Variants in MAF observed in about 807,000 individuals in gnomAD.
MAF encodes MAF bZIP transcription factor.
Under a neutral mutation model 22.0 loss-of-function variants are expected in MAF, and 10 were observed. That is an observed-to-expected ratio of 0.45 (90% CI 0.28 to 0.77). MAF has a LOEUF of 0.77. Ranked by LOEUF, MAF falls within the 30% of genes least tolerant of loss-of-function variation. The pLI is 0.12. For missense variants in MAF, 544 were observed against 548.4 expected, an observed-to-expected ratio of 0.99 and a Z score of 0.08; for synonymous variants, 337 against 255.8, an observed-to-expected ratio of 1.32 and a Z score of -3.03.
chr16:79,436,463 G>A, the MAF span, among the ~76,000 whole-genome samples: 2 of 152,200 alleles, frequency 1.3e-5, no homozygotes, highest in Admixed American at 6.5e-5. Flanking sequence ...GTGCGTTAAC[G>A]CTTCTCAAAT....
chr16:79,220,642 A>G, the MAF span, among the ~76,000 whole-genome samples: 1 of 152,104 alleles, frequency 6.6e-6, no homozygotes, highest in Non-Finnish European at 1.5e-5. Context: ...TGGTTTAGTA[A>G]ATATATTTGT....
chr16:79,272,299 T>C, the MAF span, among the ~76,000 whole-genome samples: 3 of 152,174 alleles, frequency 2.0e-5, no homozygotes, highest in South Asian at 2.1e-4. Flanking sequence ...CCACTTCAAG[T>C]GGATTCCGAT....
the MAF span, among the ~76,000 whole-genome samples, chr16:79,445,141 C>T: frequency 6.6e-6 from 1 of 152,092 alleles, no homozygotes; most frequent in African/African-American, 2.4e-5. Flanking sequence ...TCACGCCATT[C>T]TCCTGCCTCA....
At chr16:79,441,940 CAG>C in the MAF span, among the ~76,000 whole-genome samples, 1 of 152,144 alleles carries the variant, frequency 6.6e-6, no homozygotes, top group Non-Finnish European at 1.5e-5. Context: ...GATTTGGACA[CAG>C]AGAGGCACAG....
At chr16:79,469,635 T>G in the MAF span, among the ~76,000 whole-genome samples, 1 of 152,190 alleles carries the variant, frequency 6.6e-6, no homozygotes, top group Non-Finnish European at 1.5e-5. Flanking sequence ...CTCACTCTGT[T>G]GCCCAGACTG....
At chr16:79,386,880 C>T in the MAF span, among the ~76,000 whole-genome samples, 12 of 152,046 alleles carry the variant, frequency 7.9e-5, no homozygotes, top group Non-Finnish European at 1.0e-4. Flanking sequence ...TATTATAAAC[C>T]TCATTGTATT....
the MAF span, among the ~76,000 whole-genome samples, chr16:79,368,074 TC>T: frequency 1.3e-5 from 2 of 152,166 alleles, no homozygotes; most frequent in Non-Finnish European, 2.9e-5. Flanking sequence ...GCTAGAGGCT[TC>T]CCCGTCTGCA....
chr16:79,545,583 T>G, the MAF span, among the ~76,000 whole-genome samples: 1 of 152,066 alleles, frequency 6.6e-6, no homozygotes, highest in South Asian at 2.1e-4. Flanking sequence ...TACCAGAAAT[T>G]TTTGTAAGTA....
chr16:79,499,361 T>A, the MAF span, among the ~76,000 whole-genome samples: 1 of 152,110 alleles, frequency 6.6e-6, no homozygotes, highest in Non-Finnish European at 1.5e-5. Context: ...TGAACAGAGA[T>A]GTATGGACTC....
the MAF span, among the ~76,000 whole-genome samples, chr16:79,383,369 G>T: frequency 1.3e-5 from 2 of 152,024 alleles, no homozygotes; most frequent in African/African-American, 4.8e-5. Context: ...AATCAAGAAG[G>T]AAATAAAGGA....
the MAF span, among the ~76,000 whole-genome samples, chr16:79,461,421 C>T: frequency 1.3e-5 from 2 of 152,148 alleles, no homozygotes; most frequent in African/African-American, 4.8e-5. Flanking sequence ...CCCGATGGCT[C>T]CATACTTGTC....
chr16:79,568,796 G>C, the MAF span, among the ~76,000 whole-genome samples: 1 of 152,178 alleles, frequency 6.6e-6, no homozygotes, highest in Admixed American at 6.5e-5. Flanking sequence ...TCAGAATCAA[G>C]GCCTGTGTAA....
At chr16:79,598,427 G>T (rs1452425190) in intron 1 of MAF, 15 of 765,896 alleles carry the variant, frequency 2.0e-5, no homozygotes, top group Non-Finnish European at 2.4e-5. Flanking sequence ...TGAACATTGT[G>T]CAAGTCCGGG....
chr16:79,547,122 T>C, the MAF span, among the ~76,000 whole-genome samples: 25 of 152,010 alleles, frequency 1.6e-4, no homozygotes, highest in Non-Finnish European at 5.9e-5. Context: ...GGGGAGGCAA[T>C]GAGACAGACG....
chr16:79,211,763 G>A, the MAF span: 1 of 1,614,174 alleles, frequency 6.2e-7, no homozygotes, highest in Non-Finnish European at 8.5e-7. Flanking sequence ...GCGAGAGGCT[G>A]ATCCAAGAAC....
At chr16:79,455,421 T>C in the MAF span, among the ~76,000 whole-genome samples, 3 of 152,218 alleles carry the variant, frequency 2.0e-5, no homozygotes, top group African/African-American at 7.2e-5. Flanking sequence ...AGCCCTAGTC[T>C]AAACCCAGTA....
chr16:79,371,237 T>C, the MAF span, among the ~76,000 whole-genome samples: 8 of 152,254 alleles, frequency 5.3e-5, no homozygotes, highest in African/African-American at 1.9e-4. Context: ...TTGGCCTTCT[T>C]ACACAGAGGC....
chr16:79,359,852 G>T, the MAF span, among the ~76,000 whole-genome samples: 1 of 152,130 alleles, frequency 6.6e-6, no homozygotes, highest in African/African-American at 2.4e-5. Context: ...TTACTCAACT[G>T]TTTCACATGT....
chr16:79,206,139 C>G, the MAF span: 2 of 152,212 alleles, frequency 1.3e-5, no homozygotes, highest in South Asian at 2.1e-4. Context: ...AAAAAAAAAT[C>G]TCCTTTTAAC....
Sources: allele counts gnomAD v4.1 joint callset (sites outside exome capture counted in the v4.1 genomes callset), GRCh38; gene constraint gnomAD v4.1.1; transcripts MANE v1.5; gene names NCBI Gene and HGNC (gene_info 2026-07-23, HGNC 2026-07-21).